MSRB1: variants seen among roughly 807,000 people sequenced by gnomAD.
MSRB1 encodes methionine-R-sulfoxide reductase B1.
MSRB1 carries 13 observed loss-of-function variants against 15.2 expected under a neutral mutation model. The ratio of observed to expected loss-of-function variants is 0.86; its 90% confidence interval spans 0.56 to 1.36. The LOEUF (loss-of-function observed/expected upper bound fraction) is 1.36. Among genes scored for constraint, MSRB1 ranks in the 40% most tolerant of loss-of-function variants. The pLI, the probability that MSRB1 is intolerant of heterozygous loss-of-function variation, is 0.00. For missense variants in MSRB1, 174 were observed against 155.9 expected, an observed-to-expected ratio of 1.12 and a Z score of -0.62; for synonymous variants, 68 against 64.5, an observed-to-expected ratio of 1.05 and a Z score of -0.26.
At chr16:1,940,930 C>T (rs775293204) in intron 2 of MSRB1, 38 bp from the exon 3 acceptor site, 1 of 1,613,298 alleles carries the variant, frequency 6.2e-7, no homozygotes, top group Non-Finnish European at 8.5e-7. Context: ...AGCTTCTGGC[C>T]ATGATACAGC....
intron 1 of MSRB1, 131 bp from the exon 2 acceptor site, chr16:1,941,536 G>A (rs2083077524): frequency 1.5e-6 from 2 of 1,306,076 alleles, no homozygotes; most frequent in South Asian, 1.5e-5. Flanking sequence ...CCTTCCCCAG[G>A]CACCCGCCAC....
intron 1 of MSRB1, chr16:1,941,964 C>CT (rs1409729830): frequency 6.5e-6 from 1 of 153,466 alleles, no homozygotes; most frequent in African/African-American, 2.4e-5. Context: ...AGAAAGAGGG[C>CT]TGGGGACAAC....
At chr16:1,940,673 G>A in intron 3 of MSRB1, 105 bp downstream of exon 3, 1 of 1,348,026 alleles carries the variant, frequency 7.4e-7, no homozygotes, top group African/African-American at 1.5e-5. Context: ...GTGACTTGGT[G>A]GCCCCATACC....
intron 1 of MSRB1, 95 bp from the exon 2 acceptor site, chr16:1,941,500 C>T (rs1405159480): frequency 4.1e-6 from 6 of 1,463,828 alleles, no homozygotes; most frequent in South Asian, 1.4e-5. Flanking sequence ...GACAGCGCTG[C>T]CCCCGTTCCG....
At chr16:1,940,630 T>C (rs2083070440) in intron 3 of MSRB1, 148 bp downstream of exon 3, 2 of 1,050,940 alleles carry the variant, frequency 1.9e-6, no homozygotes, top group Non-Finnish European at 2.7e-6. Context: ...TGCAGCCACC[T>C]TTCTGGGGGA....
chr16:1,939,529 T>C (rs937449569), intron 3 of MSRB1, among the ~76,000 whole-genome samples: 7 of 152,198 alleles, frequency 4.6e-5, no homozygotes, highest in African/African-American at 1.7e-4. Context: ...GCCACAAGCG[T>C]GTGCTGTTAA....
chr16:1,942,966 G>A (rs1371171676), intron 1 of MSRB1, 136 bp downstream of exon 1: 2 of 1,250,408 alleles, frequency 1.6e-6, no homozygotes, highest in African/African-American at 3.0e-5. Flanking sequence ...TTTGACCCCT[G>A]TTCGCTTCTC....
Position 1,940,834 on chromosome 16 carries a change from T to C in MSRB1, c.263A>G (p.Lys88Arg). The C allele has an allele frequency of 6.2e-7, 1 of 1,614,136 alleles. No individual in the cohort carries two copies. The highest frequency in any genetic ancestry group is 8.5e-7 in the Non-Finnish European group (1 of 1,180,032). The change falls in exon 3 of 4, where the codon AAG becomes AGG. Residue 88 changes from lysine to arginine, a missense_variant. Physicochemically the swap from Lys to Arg is conservative, Grantham distance 26. Coordinates refer to ENST00000361871, the MANE Select transcript of MSRB1 (RefSeq NM_016332.4). Reference protein sequence around the residue: ...LGHEFLNDGPKPGQSRFUIFS... With the variant: ...LGHEFLNDGPRPGQSRFUIFS... Reference sequence around the variant, plus strand: ...TATTCAGAATCGGGACTGCCCCGGCTTGGGGCCGTCGTTCAGGAACTCGTG... The same window carrying C: ...TATTCAGAATCGGGACTGCCCCGGCCTGGGGCCGTCGTTCAGGAACTCGTG...
rs3209828 is a variant in MSRB1, at chr16:1,938,277, G to A, written c.*835C>T. 2 of 152,202 alleles carry A rather than the reference G, an allele frequency of 1.3e-5. No individual in the cohort carries two copies. Among genetic ancestry groups the A allele is most frequent in the Admixed American group, 1.3e-4 (2 of 15,266 alleles). The allele number at this position is 152,202 out of a possible 1,614,324, so 9.4% of individuals were successfully genotyped here. On this transcript the variant is annotated 3_prime_UTR_variant, in exon 4 of 4. Coordinates refer to ENST00000361871, the MANE Select transcript of MSRB1 (RefSeq NM_016332.4). ...TATGGATTTCCACCTGATTACTCCA[G>A]AAAGTAATTACTTAAGATGGGGGGT... is the stretch of plus-strand genomic sequence containing the variant.
rs771430295 is a variant in MSRB1 at position 1,939,090 on chromosome 16, G to C, written c.*22C>G. Reference sequence around the variant, plus strand: ...TGTGGCCTCAGTGTGGTGGCCGTCTGGGGTGGGTGTGGGCTGCCCGCCTAG... The same window carrying C: ...TGTGGCCTCAGTGTGGTGGCCGTCTCGGGTGGGTGTGGGCTGCCCGCCTAG... On this transcript the variant is annotated 3_prime_UTR_variant, in exon 4 of 4. Transcript: ENST00000361871. The C allele has an allele frequency of 1.2e-6, 2 of 1,612,962 alleles. No individual in the cohort carries two copies. The highest frequency in any genetic ancestry group is 1.7e-6 in the Non-Finnish European group (2 of 1,179,688).
Position 1,938,843 on chromosome 16 carries a change from C to A in MSRB1, c.*269G>T. The stretch of plus-strand genomic sequence containing the variant: ...ACCCAGGGCTCACCTCCTGGAGGCA[C>A]CTAGAGTGAGCAGGGGGCTAAGTCA... On this transcript the variant is annotated 3_prime_UTR_variant, in exon 4 of 4. Transcript: ENST00000361871. 7.1e-6 allele frequency: 4 copies of A among 559,540 alleles called. No homozygotes were observed. In the South Asian group the frequency reaches 8.2e-5, roughly 11 times the overall value. 34.7% of individuals were successfully genotyped at this position (559,540 alleles called of 1,614,324 possible).
chr16:1,939,128 G>A lies in MSRB1; in HGVS notation c.335C>T (p.Ala112Val), dbSNP rs1212344280. Residue 112 changes from alanine (A) to valine (V), a missense_variant, in exon 4 of 4, where the codon GCC becomes GTC. By Grantham distance (64) the Ala-to-Val change is moderately conservative (BLOSUM62 0). Coordinates refer to ENST00000361871, the MANE Select transcript of MSRB1 (RefSeq NM_016332.4). Reference sequence around the variant, plus strand: ...GCTGCCCGCCTAGTGACCCTGGGAGGCAGAAGTTTCTTTGCCTGAAAGAGA... The same window carrying A: ...GCTGCCCGCCTAGTGACCCTGGGAGACAGAAGTTTCTTTGCCTGAAAGAGA... ...KFVPKGKETS[A>V]SQGH is the part of the protein sequence containing the mutation. 1.9e-6 allele frequency: 3 copies of A among 1,609,062 alleles called. No individual in the cohort carries two copies. The highest frequency in any genetic ancestry group is 1.7e-4 in the Middle Eastern group (1 of 6,042).
rs573603274 is a variant in MSRB1, at chr16:1,941,048, C to G, written c.205-156G>C. 1.2e-3 allele frequency: 1,793 copies of G among 1,551,824 alleles called. 19 individuals carry two copies. The highest frequency in any genetic ancestry group is 9.8e-5 in the Non-Finnish European group (112 of 1,147,372). ...GTTGACCTTTGTCCTGGAGCCCGTA[C>G]AGGAAACCTGTCCTGTTTCCCACAT... is the stretch of plus-strand genomic sequence containing the variant. On this transcript the variant is annotated intron_variant, in intron 2 of 3. Coordinates refer to ENST00000361871, the MANE Select transcript of MSRB1 (RefSeq NM_016332.4).
At chr16:1,939,266 G>C (rs1467368549) in intron 3 of MSRB1, 123 bp from the exon 4 acceptor site, 32 of 1,109,902 alleles carry the variant, frequency 2.9e-5, no homozygotes, top group Non-Finnish European at 3.9e-5. Flanking sequence ...GCAAGGCAGA[G>C]CTTCAGGTGC....
intron 1 of MSRB1, chr16:1,941,736 G>A: frequency 3.4e-6 from 1 of 293,196 alleles, no homozygotes; most frequent in Non-Finnish European, 6.5e-6. Flanking sequence ...GTAGTCCAAT[G>A]AGGACACGGA....
chr16:1,943,090 C>A lies in MSRB1; in HGVS notation c.55+12G>T. The A allele has an allele frequency of 2.6e-6, 4 of 1,555,184 alleles. No homozygotes were observed. Among genetic ancestry groups the A allele is most frequent in the Non-Finnish European group, 3.5e-6 (4 of 1,149,604 alleles). On this transcript the variant is annotated intron_variant, in intron 1 of 3. Transcript: ENST00000361871. Reference sequence around the variant, plus strand: ...CCGCGCTGCCCTCCCAGCGAGAGGCCGCAGGACCAACCAGGTTCAAAGTGA... The same window carrying A: ...CCGCGCTGCCCTCCCAGCGAGAGGCAGCAGGACCAACCAGGTTCAAAGTGA...
At chr16:1,941,077 C>T in intron 2 of MSRB1, 180 bp downstream of exon 2, 1 of 1,551,212 alleles carries the variant, frequency 6.4e-7, no homozygotes, top group Middle Eastern at 1.7e-4. Flanking sequence ...CCCACATTTG[C>T]ACCAGAAGGC....
At chr16:1,940,272 GAA>G (rs1242813427) in intron 3 of MSRB1, among the ~76,000 whole-genome samples, 5 of 124,008 alleles carry the variant, frequency 4.0e-5, no homozygotes, top group African/African-American at 1.2e-4. Flanking sequence ...CTCCATCTCA[GAA>G]AAAAAAAAAA....
Position 1,939,006 on chromosome 16 carries a change from G to A in MSRB1, c.*106C>T. The A allele has an allele frequency of 7.1e-7, 1 of 1,416,500 alleles. No individual in the cohort carries two copies. The highest frequency in any genetic ancestry group is 9.8e-7 in the Non-Finnish European group (1 of 1,017,450). The allele number at this position is 1,416,500 out of a possible 1,614,324, so 87.7% of individuals were successfully genotyped here. A position where few individuals can be genotyped will look rare whatever the true frequency, so the allele number is the denominator to read the frequency against. ...GGAGTGTCCTGATGTTTCAACCACT[G>A]CGCCCTGCCTTCCTGTCTCGACGCC... On this transcript the variant is annotated 3_prime_UTR_variant, in exon 4 of 4. Transcript: ENST00000361871.
Sources: gnomAD v4.1 joint callset for allele counts (sites outside exome capture counted in the v4.1 genomes callset) on GRCh38, gnomAD v4.1.1 for gene constraint, MANE v1.5 for transcripts, NCBI Gene and HGNC (gene_info 2026-07-23, HGNC 2026-07-21) for gene names.